The following SYT17 variants were observed in gnomAD, a reference collection of about 807,000 sequenced individuals.
SYT17 encodes the protein synaptotagmin-17.
SYT17 carries 22 observed loss-of-function variants against 46.7 expected under a neutral mutation model. The ratio of observed to expected loss-of-function variants is 0.47; its 90% CI spans 0.34 to 0.67. The LOEUF is 0.67. SYT17 is among the 30% of genes least tolerant of loss of function. The probability of loss-of-function intolerance (pLI) is 0.01; values close to 1 mark genes in which losing one functional copy is unlikely to be tolerated. For synonymous variants in SYT17, 251 were observed against 248.4 expected, an observed-to-expected ratio of 1.01 and a Z score of -0.10; for missense variants, 519 against 612.8, an observed-to-expected ratio of 0.85 and a Z score of 1.62.
At chr16:19,207,430 A>T (rs1965714381) in intron 5 of SYT17, among the ~76,000 whole-genome samples, 1 of 152,170 alleles carries the variant, frequency 6.6e-6, no homozygotes, top group African/African-American at 2.4e-5. Context: ...TAGGCTGCAT[A>T]GGAAGCATGG....
At position 19,252,416 on chromosome 16, in the gene SYT17, CAT is replaced by C. The variant is rs1418080604; in HGVS notation, c.1229-14454_1229-14453del. 1.6e-3 allele frequency among the ~76,000 whole-genome samples: 35 copies of C among 22,562 alleles called. 12 individuals are homozygous for C. Among genetic ancestry groups the C allele is most frequent in the South Asian group, 6.5e-3 (2 of 306 alleles). The allele number at this position is 22,562 out of a possible 152,430, so 14.8% of individuals were successfully genotyped here. A position where few individuals can be genotyped will look rare whatever the true frequency, so the allele number is the denominator to read the frequency against. On this transcript the variant is annotated intron_variant, in intron 7 of 7. Coordinates refer to ENST00000355377, the MANE Select transcript of SYT17 (RefSeq NM_016524.4). ...ATACATATATATACATATATATATA[CAT>C]ATATATATACATATATATACATATA...
intron 5 of SYT17, among the ~76,000 whole-genome samples, chr16:19,206,362 A>T (rs1596949948): frequency 1.3e-5 from 2 of 152,166 alleles, no homozygotes; most frequent in African/African-American, 2.4e-5. Flanking sequence ...TCCTTTTCTT[A>T]GGAGGAAAGG....
intron 7 of SYT17, among the ~76,000 whole-genome samples, chr16:19,253,644 GAAAAGAAAAGAA>G (rs534619472): frequency 2.2e-3 from 82 of 37,456 alleles, no homozygotes; most frequent in African/African-American, 2.4e-3. Flanking sequence ...TGCTTCTTAA[GAAAAGAAAAGAA>G]AAAAGAAAAG....
intron 7 of SYT17, among the ~76,000 whole-genome samples, chr16:19,245,288 C>A (rs538984619): frequency 6.6e-6 from 1 of 152,296 alleles, no homozygotes; most frequent in South Asian, 2.1e-4. Flanking sequence ...CTACTGGCAT[C>A]TAGTGGGTAG....
intron 7 of SYT17, among the ~76,000 whole-genome samples, chr16:19,264,103 A>C (rs1477826375): frequency 3.9e-5 from 6 of 152,192 alleles, no homozygotes; most frequent in African/African-American, 1.4e-4. Context: ...GTGAGAAGAT[A>C]CCACCTATGA....
intron 4 of SYT17, among the ~76,000 whole-genome samples, chr16:19,181,358 C>T (rs904921909): frequency 7.9e-5 from 12 of 151,732 alleles, no homozygotes; most frequent in East Asian, 3.9e-4. Flanking sequence ...CTGTGTGAAC[C>T]GATGTCTGAA....
intron 7 of SYT17, among the ~76,000 whole-genome samples, chr16:19,248,195 A>G (rs1967725533): frequency 6.6e-6 from 1 of 152,240 alleles, no homozygotes; most frequent in South Asian, 2.1e-4. Flanking sequence ...CCACTAGTAC[A>G]GTTAAGTTTA....
Position 19,168,924 on chromosome 16 carries a change from G to C in SYT17, c.15+263G>C, listed in dbSNP as rs1353820745. ...TTGCCTCTTGGGGAGGGAATGGGGG[G>C]TGGGGCGGACTTTTCTTCTCCCCTG... On this transcript the variant is annotated intron_variant, in intron 1 of 7. Transcript: ENST00000355377. This position sits in a 1 kb window ranked among gnomAD's most constrained non-coding sequence, Gnocchi z 6.9. Among the ~76,000 whole-genome samples the C allele has an allele frequency of 2.0e-5, 3 of 152,024 alleles. No homozygotes were observed. Among genetic ancestry groups the C allele is most frequent in the Non-Finnish European group, 2.9e-5 (2 of 67,966 alleles).
Position 19,183,930 on chromosome 16 carries a change from C to G in SYT17, c.734C>G (p.Thr245Ser). The G allele has an allele frequency of 6.2e-7, 1 of 1,614,226 alleles. No individual in the cohort carries two copies. ...LLPDQKNSKQ[T>S]GVKRKTQKPV... ...CCAGACCAGAAGAACTCAAAGCAGA[C>G]CGGGGTCAAACGCAAGACCCAGAAG... Residue 245 changes from threonine (T) to serine (S), a missense_variant, in exon 5 of 8, where the codon ACC (threonine) becomes AGC (serine). Thr to Ser is a moderately conservative substitution (Grantham distance 58). Transcript: ENST00000355377. The surrounding 1 kb of genome is among the most constrained non-coding windows in gnomAD (Gnocchi z 5.6).
At chr16:19,219,016 G>A (rs921887790) in intron 5 of SYT17, among the ~76,000 whole-genome samples, 20 of 152,082 alleles carry the variant, frequency 1.3e-4, no homozygotes, top group African/African-American at 4.6e-4. Flanking sequence ...GCTCCCACGC[G>A]AACCCCATCC....
intron 5 of SYT17, among the ~76,000 whole-genome samples, chr16:19,210,731 G>A (rs1260027344): frequency 6.6e-6 from 1 of 152,180 alleles, no homozygotes; most frequent in Non-Finnish European, 1.5e-5. Flanking sequence ...TGTTGTTTGT[G>A]CAGCAGATTA....
rs557073690 is a variant in SYT17, at chr16:19,203,760, G to A, written c.952-19285G>A. Among the ~76,000 whole-genome samples, 15 of 152,350 alleles carry A rather than the reference G, an allele frequency of 9.8e-5. No individual in the cohort carries two copies. In the East Asian group the frequency reaches 2.7e-3, roughly 27 times the overall value. ...GGAGTTTCTGCTGGTAGAATAAACA[G>A]CCACGTGTTCACTGAAAGAGGTAAA... On this transcript the variant is annotated intron_variant, in intron 5 of 7. Coordinates refer to ENST00000355377, the MANE Select transcript of SYT17 (RefSeq NM_016524.4).
At chr16:19,173,381 C>CCCCA in intron 2 of SYT17, 49 bp from the exon 3 acceptor site, 1 of 398,526 alleles carries the variant, frequency 2.5e-6, no homozygotes, top group Non-Finnish European at 4.5e-6. Flanking sequence ...CCACCCTGCC[C>CCCCA]ACCTCCCCTC....
chr16:19,216,450 G>A (rs1010505302), intron 5 of SYT17, among the ~76,000 whole-genome samples: 1 of 150,806 alleles, frequency 6.6e-6, no homozygotes, highest in African/African-American at 2.4e-5. Context: ...TGTTACATAG[G>A]TATACACATG....
chr16:19,172,819 A>G, intron 2 of SYT17, 42 bp downstream of exon 2: 3 of 1,613,072 alleles, frequency 1.9e-6, no homozygotes, highest in Non-Finnish European at 2.5e-6. Flanking sequence ...TTTCTAATCA[A>G]GAAATGCCTG....
At chr16:19,236,513 C>A (rs1205492935) in intron 7 of SYT17, among the ~76,000 whole-genome samples, 1 of 152,092 alleles carries the variant, frequency 6.6e-6, no homozygotes, top group Non-Finnish European at 1.5e-5. Context: ...CCCTTCAGAC[C>A]AGTTGGTTAC....
chr16:19,210,315 C>A (rs1487751915), intron 5 of SYT17, among the ~76,000 whole-genome samples: 1 of 152,070 alleles, frequency 6.6e-6, no homozygotes, highest in African/African-American at 2.4e-5. Context: ...GATCCTGCCA[C>A]CTTGGCCTCC....
rs145391041 is a variant in SYT17, at chr16:19,262,792, C to G, written c.1229-4088C>G. ...CTAATGTTGAGTGGCCCAAGGTCCT[C>G]ACCATAAATCACAGTTAGCACAGAC... On this transcript the variant is annotated intron_variant, in intron 7 of 7. Transcript: ENST00000355377. Among the ~76,000 whole-genome samples, 407 of 152,268 alleles carry G rather than the reference C, an allele frequency of 2.7e-3. 5 individuals carry two copies. Among genetic ancestry groups the G allele is most frequent in the African/African-American group, 7.6e-3 (316 of 41,560 alleles).
At chr16:19,203,015 C>T (rs7191687) in intron 5 of SYT17, among the ~76,000 whole-genome samples, 23,330 of 152,148 alleles carry the variant, frequency 0.15, 5,185 homozygotes, top group African/African-American at 0.49. Context: ...TTGCCAGCAA[C>T]GGGGACGAGG....
Sources: gnomAD v4.1 joint callset for allele counts (sites outside exome capture counted in the v4.1 genomes callset) on GRCh38, gnomAD v4.1.1 for gene constraint, Gnocchi (gnomAD v3.1) non-coding constraint, MANE v1.5 for transcripts, NCBI Gene and HGNC (gene_info 2026-07-23, HGNC 2026-07-21) for gene names.